Variants in OSGEPL1 observed in about 807,000 individuals in gnomAD.
The protein encoded by OSGEPL1 is O-sialoglycoprotein endopeptidase like 1.
Under a neutral mutation model 37.2 loss-of-function variants are expected in OSGEPL1, and 26 were observed. That is an observed-to-expected ratio of 0.70 (90% CI 0.51 to 0.97). OSGEPL1 has a LOEUF of 0.97. OSGEPL1 is among the 50% of genes least tolerant of loss of function. The probability of loss-of-function intolerance (pLI) is 0.00; values close to 1 mark genes in which losing one functional copy is unlikely to be tolerated. For missense variants in OSGEPL1, 404 were observed against 487.0 expected, an observed-to-expected ratio of 0.83 and a Z score of 1.60; for synonymous variants, 140 against 159.9, an observed-to-expected ratio of 0.88 and a Z score of 0.94.
At chr2:189,754,495 A>T in intron 3 of OSGEPL1, 150 bp from the exon 4 acceptor site, 1 of 691,522 alleles carries the variant, frequency 1.4e-6, no homozygotes, top group Non-Finnish European at 2.3e-6. Flanking sequence ...ACTATAGCTG[A>T]TATTCAGGTA....
intron 2 of OSGEPL1, among the ~76,000 whole-genome samples, chr2:189,759,291 C>A (rs74381898): frequency 6.6e-6 from 1 of 151,982 alleles, no homozygotes; most frequent in Non-Finnish European, 1.5e-5. Flanking sequence ...CTCTGTCGCC[C>A]GGGCTGGAGT....
upstream of OSGEPL1, chr2:189,762,839 G>A (rs2047329533): frequency 2.0e-6 from 2 of 985,412 alleles, no homozygotes; most frequent in Non-Finnish European, 2.4e-6. Flanking sequence ...CTGCTGTTCC[G>A]CTAGCGAGCG....
chr2:189,747,338 CA>C (rs5837164), intron 8 of OSGEPL1, 170 bp from the exon 9 acceptor site: 2 of 75,730 alleles, frequency 2.6e-5, no homozygotes, highest in African/African-American at 5.4e-5. Context: ...GACCCTGTCT[CA>C]AAAAAAAAAA....
chr2:189,753,206 A>G, intron 5 of OSGEPL1: 1 of 294,046 alleles, frequency 3.4e-6, no homozygotes, highest in East Asian at 6.0e-5. Context: ...TTTTCTTCCA[A>G]CCTTTCATCT....
chr2:189,754,580 C>T (rs1322668626), intron 3 of OSGEPL1: 2 of 469,170 alleles, frequency 4.3e-6, no homozygotes, highest in African/African-American at 2.0e-5. Context: ...GTTTGCTCTT[C>T]TATTGGTTGG....
chr2:189,755,634 G>C (rs16831964), intron 2 of OSGEPL1, 74 bp from the exon 3 acceptor site: 64,504 of 1,468,480 alleles, frequency 0.044, 1,563 homozygotes, highest in South Asian at 0.069. Flanking sequence ...ACAGCTAAAA[G>C]CATGTCTTCA....
At chr2:189,756,059 C>A (rs1247128758) in intron 2 of OSGEPL1, among the ~76,000 whole-genome samples, 1 of 152,108 alleles carries the variant, frequency 6.6e-6, no homozygotes, top group Non-Finnish European at 1.5e-5. Flanking sequence ...ACTAAGGCAT[C>A]AAAGTTTGTT....
intron 2 of OSGEPL1, among the ~76,000 whole-genome samples, chr2:189,759,653 G>A (rs1193119057): frequency 6.6e-6 from 1 of 152,156 alleles, no homozygotes; most frequent in East Asian, 1.9e-4. Context: ...TTCAAATACA[G>A]GACTGTGATT....
chr2:189,749,716 T>C (rs1026184004), intron 8 of OSGEPL1, among the ~76,000 whole-genome samples: 1 of 152,182 alleles, frequency 6.6e-6, no homozygotes, highest in Non-Finnish European at 1.5e-5. Context: ...AAAAAATGCA[T>C]AGACATCCTA....
intron 2 of OSGEPL1, among the ~76,000 whole-genome samples, chr2:189,760,713 C>T (rs1465200611): frequency 1.3e-5 from 2 of 151,944 alleles, no homozygotes; most frequent in Non-Finnish European, 2.9e-5. Flanking sequence ...ATCGTTTGAA[C>T]TCGAGAGGCG....
chr2:189,754,834 TAATC>T, intron 3 of OSGEPL1: 1 of 283,014 alleles, frequency 3.5e-6, no homozygotes, highest in Non-Finnish European at 6.6e-6. Context: ...GTCCTTATGT[TAATC>T]TATATATATT....
chr2:189,754,252 A>G lies in OSGEPL1; in HGVS notation c.703T>C (p.Phe235Leu), dbSNP rs2106000660. 6.2e-7 allele frequency: 1 copy of G among 1,613,884 alleles called. No individual in the cohort carries two copies. The highest frequency in any genetic ancestry group is 2.2e-5 in the East Asian group (1 of 44,868). ...AAGGGAGGTTTGATGTCAAAATGAAATCTATTTCCTTGTTTGGCCAAATGT... is the reference window on the plus strand; with the variant it reads ...AAGGGAGGTTTGATGTCAAAATGAAGTCTATTTCCTTGTTTGGCCAAATGT... ...IEHLAKQGNR[F>L]HFDIKPPLHH... Residue 235 changes from phenylalanine to leucine, a missense_variant, in exon 4 of 9, where the codon TTT becomes CTT. Coordinates refer to ENST00000264151, the MANE Select transcript of OSGEPL1 (RefSeq NM_022353.3).
chr2:189,760,352 C>G (rs922340465), intron 2 of OSGEPL1, among the ~76,000 whole-genome samples: 1 of 152,168 alleles, frequency 6.6e-6, no homozygotes, highest in African/African-American at 2.4e-5. Context: ...GGGGCCCCCA[C>G]CCCTAAGACG....
intron 8 of OSGEPL1, among the ~76,000 whole-genome samples, chr2:189,748,799 A>T (rs1468627616): frequency 6.6e-6 from 1 of 152,220 alleles, no homozygotes; most frequent in Non-Finnish European, 1.5e-5. Context: ...AACTGGTTTC[A>T]GGTAGGCTCA....
intron 7 of OSGEPL1, among the ~76,000 whole-genome samples, chr2:189,751,447 T>G (rs1434373206): frequency 6.7e-6 from 1 of 149,398 alleles, no homozygotes; most frequent in East Asian, 1.9e-4. Context: ...AAGTTGTGTT[T>G]TTTTTTTTTT....
intron 7 of OSGEPL1, 52 bp from the exon 8 acceptor site, chr2:189,750,708 C>A: frequency 2.2e-6 from 3 of 1,350,182 alleles, no homozygotes; most frequent in Non-Finnish European, 2.0e-6. Context: ...TGATCCATCA[C>A]TAGTTCTGCA....
chr2:189,762,660 G>A (rs917492833), intron 1 of OSGEPL1, 25 bp downstream of exon 1: 2 of 985,346 alleles, frequency 2.0e-6, no homozygotes, highest in African/African-American at 3.5e-5. Flanking sequence ...CGTCAGTGGG[G>A]TGAAGAGTGA....
rs375849691 is a variant in OSGEPL1, at chr2:189,752,786, A to G, written c.1095-62T>C. 6.2e-4 allele frequency: 1,004 copies of G among 1,613,178 alleles called. 2 individuals are homozygous for G. The highest frequency in any genetic ancestry group is 1.0e-3 in the Admixed American group (62 of 59,928). On this transcript the variant is annotated intron_variant, in intron 6 of 8. Coordinates refer to ENST00000264151, the MANE Select transcript of OSGEPL1 (RefSeq NM_022353.3). ...AAGATCTGAAGGAAGAAGGCTTAGT[A>G]TGATAAAATGGCAATTAATATTTAC...
In OSGEPL1 at chr2:189,755,449, T is replaced by C; in HGVS notation, c.333A>G (p.Ala111=). The C allele has an allele frequency of 6.2e-7, 1 of 1,606,200 alleles. No individual in the cohort carries two copies. Among genetic ancestry groups the C allele is most frequent in the Non-Finnish European group, 8.5e-7 (1 of 1,178,138 alleles). ...GTCCTGGTTTTATGGTAGTTGCAAT[T>C]GCTGAGAGGTCACTTGGAGAGACTC... The part of the protein sequence containing the change: ...ASGVSPSDLS[A]IATTIKPGLA... Residue 111 remains alanine (A), a synonymous_variant, in exon 3 of 9, where the codon GCA becomes GCG. Transcript: ENST00000264151.
Sources: allele counts gnomAD v4.1 joint callset (sites outside exome capture counted in the v4.1 genomes callset), GRCh38; gene constraint gnomAD v4.1.1; transcripts MANE v1.5; gene names NCBI Gene and HGNC (gene_info 2026-07-23, HGNC 2026-07-21).